Variants in PLAAT5 observed in about 807,000 individuals in gnomAD.
The protein encoded by PLAAT5 is phospholipase A and acyltransferase 5.
A neutral mutation model predicts 27.8 loss-of-function variants in PLAAT5; 27 were observed. The ratio of observed to expected loss-of-function variants is 0.97; its 90% CI spans 0.72 to 1.34. PLAAT5 has a LOEUF of 1.34. Among genes scored for constraint, PLAAT5 ranks in the 40% most tolerant of loss-of-function variants. PLAAT5 has a pLI of 0.00. For missense variants in PLAAT5, 368 were observed against 343.8 expected, an observed-to-expected ratio of 1.07 and a Z score of -0.56; for synonymous variants, 125 against 136.1, an observed-to-expected ratio of 0.92 and a Z score of 0.57.
At position 63,490,305 on chromosome 11, in the gene PLAAT5, G is replaced by C. The variant is rs565285713; in HGVS notation, c.177C>G (p.Val59=). ...GCGGAGGCTGCTTGGCTGGGAGCTGGACCAACGCTGCGAATCCCACGGATT... is the reference window on the plus strand; with the variant it reads ...GCGGAGGCTGCTTGGCTGGGAGCTGCACCAACGCTGCGAATCCCACGGATT... The part of the protein sequence containing the change: ...SEESVGFAAL[V]QLPAKQPPPG... The change falls in exon 2 of 6, where the codon GTC becomes GTG. Residue 59 remains valine (V), a synonymous_variant. Transcript: ENST00000540857. 131 of 1,614,138 alleles carry C rather than the reference G, an allele frequency of 8.1e-5. 1 individual carries two copies. In the South Asian group the frequency reaches 1.4e-3, roughly 17 times the overall value.
At position 63,490,345 on chromosome 11, in the gene PLAAT5, G is replaced by C; in HGVS notation, c.149-12C>G. On this transcript the variant is annotated splice_polypyrimidine_tract_variant and intron_variant, in intron 1 of 5. Coordinates refer to ENST00000540857, the MANE Select transcript of PLAAT5 (RefSeq NM_001146729.2). Reference sequence around the variant, plus strand: ...TCCCACGGATTCTTCTAATTCAAGGGGGGAAATGCTATTTAGACCTGTGAA... The same window carrying C: ...TCCCACGGATTCTTCTAATTCAAGGCGGGAAATGCTATTTAGACCTGTGAA... 1 of 1,614,088 alleles carries C rather than the reference G, an allele frequency of 6.2e-7. No individual in the cohort carries two copies. The highest frequency in any genetic ancestry group is 8.5e-7 in the Non-Finnish European group (1 of 1,180,022).
chr11:63,461,958 G>T lies in PLAAT5; in HGVS notation c.*1545C>A, dbSNP rs2015730180. The T allele has an allele frequency of 6.6e-6, 1 of 152,206 alleles. No homozygotes were observed. Among genetic ancestry groups the T allele is most frequent in the Admixed American group, 6.5e-5 (1 of 15,276 alleles). 9.4% of individuals were successfully genotyped at this position (152,206 alleles called of 1,614,324 possible). ...CAAGCCAGTAAAAAGCCAGAGAAGT[G>T]TCTTTCTGTCCCAAACATAAGCAAG... On this transcript the variant is annotated 3_prime_UTR_variant, in exon 6 of 6. Transcript: ENST00000540857.
At chr11:63,476,401 A>G (rs1428671679) in intron 3 of PLAAT5, among the ~76,000 whole-genome samples, 3 of 152,130 alleles carry the variant, frequency 2.0e-5, no homozygotes, top group Admixed American at 1.3e-4. Flanking sequence ...CAAGTGTGCT[A>G]GCCACAAATT....
intron 3 of PLAAT5, among the ~76,000 whole-genome samples, chr11:63,471,177 T>G (rs867592829): frequency 2.6e-5 from 4 of 152,186 alleles, no homozygotes; most frequent in Non-Finnish European, 4.4e-5. Flanking sequence ...AATCAAACAT[T>G]AAGTCTATAT....
chr11:63,466,213 C>A lies in PLAAT5; in HGVS notation c.614G>T (p.Arg205Leu), dbSNP rs199850890. Residue 205 changes from arginine to leucine, a missense_variant, in exon 5 of 6, where the codon CGT (arginine) becomes CTT (leucine). By Grantham distance (102) the Arg-to-Leu change is moderately radical. Coordinates refer to ENST00000540857, the MANE Select transcript of PLAAT5 (RefSeq NM_001146729.2). ...GATCTTGTTGACCATCTTTTTTGTA[C>A]GCTGGATGATCTTGTCCACCGGCAA... ...LPLPVDKIIQ[R>L]TKKMVNKIVQ... 9.3e-6 allele frequency: 15 copies of A among 1,613,956 alleles called. No individual in the cohort carries two copies. In the African/African-American group the frequency reaches 1.9e-4, roughly 20 times the overall value.
At chr11:63,472,072 G>A (rs1214964364) in intron 3 of PLAAT5, among the ~76,000 whole-genome samples, 1 of 152,122 alleles carries the variant, frequency 6.6e-6, no homozygotes, top group Non-Finnish European at 1.5e-5. Context: ...AGAGCATCAG[G>A]AACAATAGTG....
intron 3 of PLAAT5, among the ~76,000 whole-genome samples, chr11:63,483,809 A>ATATATATATT (rs2016357297): frequency 1.2e-5 from 1 of 86,120 alleles, no homozygotes; most frequent in African/African-American, 5.3e-5. Context: ...ATGTATATAT[A>ATATATATATT]TATATATATA....
At chr11:63,482,628 A>C (rs950859394) in intron 3 of PLAAT5, among the ~76,000 whole-genome samples, 3 of 152,228 alleles carry the variant, frequency 2.0e-5, no homozygotes, top group Non-Finnish European at 2.9e-5. Context: ...TAAATCTTGA[A>C]AGAAAACTTC....
intron 3 of PLAAT5, among the ~76,000 whole-genome samples, chr11:63,475,700 CCTT>C (rs1171810898): frequency 6.6e-6 from 1 of 151,836 alleles, no homozygotes; most frequent in Non-Finnish European, 1.5e-5. Context: ...TCCTCTTTTG[CCTT>C]CTTTTTTGTA....
At chr11:63,473,984 C>A (rs1227217528) in intron 3 of PLAAT5, among the ~76,000 whole-genome samples, 1 of 152,156 alleles carries the variant, frequency 6.6e-6, no homozygotes, top group African/African-American at 2.4e-5. Flanking sequence ...CAGGCATGCC[C>A]CACAGCGCCC....
chr11:63,465,698 G>A (rs992427222), intron 5 of PLAAT5, among the ~76,000 whole-genome samples: 8 of 152,100 alleles, frequency 5.3e-5, no homozygotes, highest in African/African-American at 1.7e-4. Flanking sequence ...GCTAAGGCAG[G>A]AGGACGGCCT....
chr11:63,469,103 CGTGTGTGTGTGTGT>C (rs34013443), intron 3 of PLAAT5, among the ~76,000 whole-genome samples: 28 of 134,438 alleles, frequency 2.1e-4, no homozygotes, highest in Admixed American at 1.3e-3. Flanking sequence ...TCTCTATTAT[CGTGTGTGTGTGTGT>C]GTGTGTGTGT....
rs922603491 is a variant in PLAAT5 at position 63,461,886 on chromosome 11, G to A, written c.*1617C>T. 1 of 152,192 alleles carries A rather than the reference G, an allele frequency of 6.6e-6. No homozygotes were observed. The highest frequency in any genetic ancestry group is 1.5e-5 in the Non-Finnish European group (1 of 68,052). The allele number at this position is 152,192 out of a possible 1,614,324, so 9.4% of individuals were successfully genotyped here. On this transcript the variant is annotated 3_prime_UTR_variant, in exon 6 of 6. Transcript: ENST00000540857. ...AAAAATATTTTTTGGACAAACAAGT[G>A]AATGTGAGCCCTGAAACTTTCTAGA... is the stretch of plus-strand genomic sequence containing the variant.
chr11:63,471,210 G>C (rs1361056401), intron 3 of PLAAT5, among the ~76,000 whole-genome samples: 1 of 152,134 alleles, frequency 6.6e-6, no homozygotes, highest in Non-Finnish European at 1.5e-5. Context: ...ATTCACAGTA[G>C]AAAGAACTAA....
chr11:63,470,476 T>G (rs2015993670), intron 3 of PLAAT5: 1 of 155,758 alleles, frequency 6.4e-6, no homozygotes, highest in Admixed American at 6.5e-5. Context: ...CATAAGATAA[T>G]TCATACCGGA....
At chr11:63,466,489 G>A in intron 4 of PLAAT5, 117 bp from the exon 5 acceptor site, 2 of 1,031,848 alleles carry the variant, frequency 1.9e-6, no homozygotes, top group Non-Finnish European at 2.8e-6. Context: ...TCAGTAGAAG[G>A]GTGGCAGAAG....
At position 63,481,177 on chromosome 11, in the gene PLAAT5, C is replaced by T. The variant is rs144846535; in HGVS notation, c.345+7694G>A. On this transcript the variant is annotated intron_variant, in intron 3 of 5. Transcript: ENST00000540857. ...CTTCTGGGCTGGGTGTGGTGGCTCACGCCTATAATCCCAGCACTGTGGGAG... is the reference window on the plus strand; with the variant it reads ...CTTCTGGGCTGGGTGTGGTGGCTCATGCCTATAATCCCAGCACTGTGGGAG... 1.5e-3 allele frequency among the ~76,000 whole-genome samples: 228 copies of T among 152,316 alleles called. 2 individuals carry two copies. Among genetic ancestry groups the T allele is most frequent in the African/African-American group, 5.2e-3 (216 of 41,564 alleles).
In PLAAT5 at chr11:63,466,273, T is replaced by C. The variant is rs767279291; in HGVS notation, c.554A>G (p.Lys185Arg). 9 of 1,614,138 alleles carry C rather than the reference T, an allele frequency of 5.6e-6. No homozygotes were observed. Among genetic ancestry groups the C allele is most frequent in the South Asian group, 5.5e-5 (5 of 91,066 alleles). ...CGTCCCATCTAGCTTGTTATTGACC[T>C]TCCAGGAGCAGCCATGCAGCACATC... Reference protein sequence around the residue: ...LEDVLHGCSWKVNNKLDGTYL... With the variant: ...LEDVLHGCSWRVNNKLDGTYL... The change falls in exon 5 of 6, where the codon AAG (lysine) becomes AGG (arginine). Residue 185 changes from lysine to arginine, a missense_variant. Physicochemically the swap from Lys to Arg is conservative, Grantham distance 26. Coordinates refer to ENST00000540857, the MANE Select transcript of PLAAT5 (RefSeq NM_001146729.2).
At chr11:63,483,820 T>A (rs3015981) in intron 3 of PLAAT5, among the ~76,000 whole-genome samples, 1 of 88,042 alleles carries the variant, frequency 1.1e-5, no homozygotes, top group African/African-American at 7.0e-5. Flanking sequence ...TATATATATA[T>A]ATATATATAT....
Sources: gnomAD v4.1 joint callset for allele counts (sites outside exome capture counted in the v4.1 genomes callset) on GRCh38, gnomAD v4.1.1 for gene constraint, MANE v1.5 for transcripts, NCBI Gene and HGNC (gene_info 2026-07-23, HGNC 2026-07-21) for gene names.